Variants in PAX5 observed in about 807,000 individuals in gnomAD.
The protein encoded by PAX5 is paired box 5.
PAX5 carries 9 observed loss-of-function variants against 43.7 expected under a neutral mutation model. The ratio of observed to expected loss-of-function variants is 0.21; its 90% CI spans 0.12 to 0.36. The LOEUF (loss-of-function observed/expected upper bound fraction) is 0.36. PAX5 is among the 10% of genes least tolerant of loss of function. PAX5 has a pLI of 1.00. For missense variants in PAX5, 383 were observed against 532.7 expected (o/e 0.72, Z 2.77); for synonymous variants, 228 against 214.3 (o/e 1.06, Z -0.56).
intron 1 of PAX5, among the ~76,000 whole-genome samples, chr9:37,029,065 G>C (rs1840706736): frequency 6.6e-6 from 1 of 152,184 alleles, no homozygotes; most frequent in Admixed American, 6.5e-5. Context: ...GCAACTCATG[G>C]GAGTGGTCCG....
At position 36,955,970 on chromosome 9, in the gene PAX5, G is replaced by A. The variant is rs193217882; in HGVS notation, c.780+10579C>T. Among the ~76,000 whole-genome samples, 948 of 152,088 alleles carry A rather than the reference G, an allele frequency of 6.2e-3. 1 individual carries two copies. The highest frequency in any genetic ancestry group is 0.011 in the Non-Finnish European group (770 of 67,992). On this transcript the variant is annotated intron_variant, in intron 6 of 9. Transcript: ENST00000358127. ...AATGTTTATTTTTATTGTTTTTTAA[G>A]AGTTTTGTAAATAGCCGACTTCCTT...
intron 2 of PAX5, among the ~76,000 whole-genome samples, chr9:37,020,054 C>T (rs1839722860): frequency 6.6e-6 from 1 of 150,838 alleles, no homozygotes; most frequent in Non-Finnish European, 1.5e-5. Context: ...ATCGCCAGGT[C>T]AAGTGGCAAC....
intron 7 of PAX5, among the ~76,000 whole-genome samples, chr9:36,916,455 G>C (rs918681627): frequency 5.7e-4 from 87 of 152,172 alleles, no homozygotes; most frequent in African/African-American, 2.0e-3. Flanking sequence ...GCATCATTTT[G>C]ATAAAGTCAA....
At chr9:36,895,875 G>A (rs968604361) in intron 7 of PAX5, among the ~76,000 whole-genome samples, 25 of 152,212 alleles carry the variant, frequency 1.6e-4, no homozygotes, top group African/African-American at 5.8e-4. Flanking sequence ...CATGGTGGGA[G>A]GGACCTACTG....
At position 37,015,807 on chromosome 9, in the gene PAX5, C is replaced by T. The variant is rs1045130104; in HGVS notation, c.213-613G>A. Among the ~76,000 whole-genome samples, 5 of 151,932 alleles carry T rather than the reference C, an allele frequency of 3.3e-5. No individual in the cohort carries two copies. The highest frequency in any genetic ancestry group is 1.2e-4 in the African/African-American group (5 of 41,346). On this transcript the variant is annotated intron_variant, in intron 2 of 9. Coordinates refer to ENST00000358127, the MANE Select transcript of PAX5 (RefSeq NM_016734.3). The surrounding 1 kb of genome is among the most constrained non-coding windows in gnomAD (Gnocchi z 4.4). ...GTTAGTCAGGCTGGTCTCGAACTCC[C>T]GACCTCAGGTTATCCGCCTGCCTCG...
chr9:36,957,395 G>A (rs1326192262), intron 6 of PAX5, among the ~76,000 whole-genome samples: 4 of 152,158 alleles, frequency 2.6e-5, no homozygotes, highest in African/African-American at 4.8e-5. Context: ...CCCTAGAAAC[G>A]GTTGGGAAGG....
intron 1 of PAX5, among the ~76,000 whole-genome samples, chr9:37,031,240 GCTGGGACTACTCTCTCTCC>G (rs1438469750): frequency 2.0e-5 from 3 of 152,202 alleles, no homozygotes; most frequent in Admixed American, 6.5e-5. Flanking sequence ...GGCCAGGGGC[GCTGGGACTACTCTCTCTCC>G]CAAAGACTTG....
chr9:36,872,764 TC>T (rs1464625438), intron 8 of PAX5, among the ~76,000 whole-genome samples: 1 of 152,000 alleles, frequency 6.6e-6, no homozygotes, highest in African/African-American at 2.4e-5. Context: ...AGACCCCTCG[TC>T]CCCCCACCCT....
intron 8 of PAX5, among the ~76,000 whole-genome samples, chr9:36,876,163 T>C (rs1227300211): frequency 6.6e-6 from 1 of 152,200 alleles, no homozygotes; most frequent in East Asian, 1.9e-4. Flanking sequence ...CCCTGTGGTG[T>C]TCAGTGGACC....
chr9:36,938,864 G>C (rs1468405360), intron 6 of PAX5, among the ~76,000 whole-genome samples: 3 of 152,176 alleles, frequency 2.0e-5, no homozygotes, highest in African/African-American at 7.2e-5. Flanking sequence ...AGGGCAACAA[G>C]GCTGTTCTCC....
chr9:36,855,321 G>C (rs1297528648), intron 8 of PAX5, among the ~76,000 whole-genome samples: 1 of 152,332 alleles, frequency 6.6e-6, no homozygotes, highest in Non-Finnish European at 1.5e-5. Context: ...TGCCTCCAAG[G>C]CTGACCTTTC....
At chr9:36,917,730 C>T (rs1829832792) in intron 7 of PAX5, among the ~76,000 whole-genome samples, 1 of 152,212 alleles carries the variant, frequency 6.6e-6, no homozygotes, top group Admixed American at 6.5e-5. Flanking sequence ...TATTGTACTT[C>T]ACAAATATTG....
intron 1 of PAX5, among the ~76,000 whole-genome samples, chr9:37,031,844 G>T (rs74933031): frequency 0.053 from 8,061 of 152,250 alleles, 691 homozygotes; most frequent in African/African-American, 0.18. Context: ...TGAGGTTGGG[G>T]TAAGAAATGG....
At chr9:36,851,635 G>T (rs1003542931) in intron 8 of PAX5, among the ~76,000 whole-genome samples, 1 of 152,216 alleles carries the variant, frequency 6.6e-6, no homozygotes, top group Non-Finnish European at 1.5e-5. Context: ...ATTTTACCTT[G>T]ATTTCAAAGT....
At chr9:36,957,300 C>T (rs974504983) in intron 6 of PAX5, among the ~76,000 whole-genome samples, 8 of 152,182 alleles carry the variant, frequency 5.3e-5, no homozygotes, top group African/African-American at 1.2e-4. Context: ...TGGGAAATAA[C>T]GTGCCAGAAG....
intron 5 of PAX5, among the ~76,000 whole-genome samples, chr9:36,973,472 C>CTTGG (rs1430694238): frequency 2.0e-5 from 3 of 152,192 alleles, no homozygotes; most frequent in African/African-American, 7.2e-5. Flanking sequence ...GTCCAATGAG[C>CTTGG]TTGGAATTGG....
chr9:36,939,320 C>T (rs111618073), intron 6 of PAX5, among the ~76,000 whole-genome samples: 9 of 152,254 alleles, frequency 5.9e-5, no homozygotes, highest in Admixed American at 2.6e-4. Context: ...GGATGCCCTA[C>T]GTGTCCCCCA....
intron 7 of PAX5, among the ~76,000 whole-genome samples, chr9:36,890,661 AAAAG>A (rs1402607937): frequency 6.6e-6 from 1 of 152,142 alleles, no homozygotes; most frequent in Non-Finnish European, 1.5e-5. Context: ...ATGTTGATGG[AAAAG>A]AAGGTGGGTA....
chr9:36,964,814 G>A (rs1287746685), intron 6 of PAX5, among the ~76,000 whole-genome samples: 1 of 152,098 alleles, frequency 6.6e-6, no homozygotes, highest in Non-Finnish European at 1.5e-5. Flanking sequence ...TAGAGTGTGT[G>A]GGGGCGGCTA....
Sources: allele counts gnomAD v4.1 joint callset (sites outside exome capture counted in the v4.1 genomes callset), GRCh38; gene constraint gnomAD v4.1.1; non-coding constraint Gnocchi (gnomAD v3.1); transcripts MANE v1.5; gene names NCBI Gene and HGNC (gene_info 2026-07-23, HGNC 2026-07-21).